The following MALRD1 variants were observed in gnomAD, a reference collection of about 807,000 sequenced individuals.
The protein encoded by MALRD1 is MAM and LDL receptor class A domain containing 1.
Under a neutral mutation model 242.1 loss-of-function variants are expected in MALRD1, and 247 were observed. That is an observed-to-expected ratio of 1.02 (90% CI 0.92 to 1.13). The LOEUF (loss-of-function observed/expected upper bound fraction) is 1.13, where lower values mean the gene tolerates loss of function less well. Ranked by LOEUF, MALRD1 falls within the 50% of genes most tolerant of loss-of-function variation. The pLI is 0.00. For synonymous variants in MALRD1, 995 were observed against 866.6 expected (o/e 1.15, Z -2.60); for missense variants, 2,989 against 2,533.1 (o/e 1.18, Z -3.86).
chr10:19,272,193 A>G (rs999581787), intron 19 of MALRD1, among the ~76,000 whole-genome samples: 6 of 152,222 alleles, frequency 3.9e-5, no homozygotes, highest in Middle Eastern at 3.4e-3. Flanking sequence ...AACATCTCGA[A>G]TATTAGAGAA....
intron 2 of MALRD1, among the ~76,000 whole-genome samples, chr10:19,084,255 C>T (rs936983633): frequency 2.6e-5 from 4 of 151,890 alleles, no homozygotes; most frequent in Admixed American, 1.3e-4. Context: ...AAATTATCAA[C>T]TTGAAGAGGT....
chr10:19,464,355 A>C (rs2131108945), intron 29 of MALRD1, among the ~76,000 whole-genome samples: 1 of 152,330 alleles, frequency 6.6e-6, no homozygotes. Flanking sequence ...CTTAGATTTA[A>C]GTCCTTGATC....
At chr10:19,183,629 G>A (rs1377396502) in intron 14 of MALRD1, among the ~76,000 whole-genome samples, 3 of 151,938 alleles carry the variant, frequency 2.0e-5, no homozygotes, top group East Asian at 1.9e-4. Flanking sequence ...TACTTCAAAC[G>A]GGTTATTAAG....
intron 28 of MALRD1, among the ~76,000 whole-genome samples, chr10:19,446,368 C>T (rs1044009492): frequency 6.6e-6 from 1 of 151,998 alleles, no homozygotes; most frequent in Admixed American, 6.6e-5. Flanking sequence ...TTTATTTACC[C>T]TTATTAAATA....
chr10:19,449,771 C>T (rs1421599604), intron 28 of MALRD1, among the ~76,000 whole-genome samples: 1 of 152,094 alleles, frequency 6.6e-6, no homozygotes, highest in Non-Finnish European at 1.5e-5. Context: ...ATAATCTGTA[C>T]ATCAAACCTC....
intron 1 of MALRD1, 84 bp from the exon 2 acceptor site, chr10:19,066,635 C>A (rs1834988453): frequency 3.8e-6 from 4 of 1,057,346 alleles, no homozygotes; most frequent in African/African-American, 1.6e-5. Flanking sequence ...TCATTTGTTG[C>A]TAAACTTTAT....
chr10:19,535,404 A>T (rs969482320), intron 32 of MALRD1, among the ~76,000 whole-genome samples: 6 of 151,816 alleles, frequency 4.0e-5, no homozygotes, highest in South Asian at 2.1e-4. Context: ...GCAATTTTTT[A>T]AAAAAATCAG....
rs141158807 is a variant in MALRD1, at chr10:19,477,090, C to T, written c.5030-14427C>T. ...ATACATTCAGAGATGGGAATGCCTG[C>T]GGCTTGAAATGCACTACAAGAATAC... On this transcript the variant is annotated intron_variant, in intron 29 of 39. Transcript: ENST00000454679. 1.9e-4 allele frequency among the ~76,000 whole-genome samples: 29 copies of T among 152,208 alleles called. No individual in the cohort carries two copies. In the East Asian group the frequency reaches 4.1e-3, roughly 21 times the overall value.
At chr10:19,197,130 A>G (rs569779706) in intron 14 of MALRD1, among the ~76,000 whole-genome samples, 2 of 152,210 alleles carry the variant, frequency 1.3e-5, no homozygotes, top group East Asian at 1.9e-4. Context: ...GAGAAGCACA[A>G]CTTTTAAACC....
intron 36 of MALRD1, among the ~76,000 whole-genome samples, chr10:19,652,605 G>T (rs1840948798): frequency 6.6e-6 from 1 of 152,164 alleles, no homozygotes; most frequent in Non-Finnish European, 1.5e-5. Context: ...CTGAACTGAA[G>T]CAAGGAGGAT....
chr10:19,664,963 C>T (rs1332018832), intron 36 of MALRD1, among the ~76,000 whole-genome samples: 3 of 152,094 alleles, frequency 2.0e-5, no homozygotes, highest in Non-Finnish European at 2.9e-5. Flanking sequence ...TACCTTGAAT[C>T]TTAGCAGATC....
chr10:19,568,394 A>C (rs1290588480), intron 33 of MALRD1, among the ~76,000 whole-genome samples: 5 of 151,866 alleles, frequency 3.3e-5, no homozygotes, highest in African/African-American at 1.2e-4. Flanking sequence ...TCCTACTCAA[A>C]GTTTCTTTTC....
At chr10:19,264,456 C>CTTTT (rs1261988988) in intron 19 of MALRD1, among the ~76,000 whole-genome samples, 4 of 111,606 alleles carry the variant, frequency 3.6e-5, no homozygotes, top group African/African-American at 7.7e-5. Flanking sequence ...TTTTCTTTTT[C>CTTTT]TTTTTTTTTT....
intron 33 of MALRD1, among the ~76,000 whole-genome samples, chr10:19,577,060 CAT>C (rs1360202278): frequency 2.2e-5 from 3 of 139,416 alleles, no homozygotes; most frequent in Admixed American, 7.5e-5. Flanking sequence ...CAATATATAA[CAT>C]AGAGTAGGTA....
chr10:19,347,277 C>T (rs747022493), intron 24 of MALRD1, among the ~76,000 whole-genome samples: 34 of 152,070 alleles, frequency 2.2e-4, no homozygotes, highest in Non-Finnish European at 4.9e-4. Context: ...TAAGCTCATT[C>T]AAATTATCAC....
intron 34 of MALRD1, among the ~76,000 whole-genome samples, chr10:19,604,338 C>A (rs1033041417): frequency 4.6e-5 from 7 of 152,168 alleles, no homozygotes; most frequent in African/African-American, 1.7e-4. Flanking sequence ...CTTTTGAAAT[C>A]TATCCAGACT....
At chr10:19,294,518 CAT>C (rs1386737615) in intron 21 of MALRD1, among the ~76,000 whole-genome samples, 3 of 152,130 alleles carry the variant, frequency 2.0e-5, no homozygotes, top group African/African-American at 7.2e-5. Flanking sequence ...TAACATTAGT[CAT>C]ATGTTTCCTG....
rs531471129 is a variant in MALRD1 at position 19,483,364 on chromosome 10, C to T, written c.5030-8153C>T. Among the ~76,000 whole-genome samples, 16 of 152,194 alleles carry T rather than the reference C, an allele frequency of 1.1e-4. No homozygotes were observed. The East Asian group carries it at 2.1e-3, about 20-fold the overall frequency. On this transcript the variant is annotated intron_variant, in intron 29 of 39. Transcript: ENST00000454679. The stretch of plus-strand genomic sequence containing the variant: ...CAAAAGAAACTATCAACAGAGTCAA[C>T]GGACAATTTACAGAATGACAGAAAA...
intron 28 of MALRD1, among the ~76,000 whole-genome samples, chr10:19,427,551 A>T (rs186854989): frequency 6.6e-6 from 1 of 152,208 alleles, no homozygotes; most frequent in African/African-American, 2.4e-5. Flanking sequence ...CTAGTAGTGG[A>T]TGGTAGCACG....
Sources: allele counts gnomAD v4.1 joint callset (sites outside exome capture counted in the v4.1 genomes callset), GRCh38; gene constraint gnomAD v4.1.1; transcripts MANE v1.5; gene names NCBI Gene and HGNC (gene_info 2026-07-23, HGNC 2026-07-21).